CSMD3: variants seen among roughly 807,000 people sequenced by gnomAD.
CSMD3 encodes CUB and Sushi multiple domains 3, also known as CUB and sushi domain-containing protein 3.
A neutral mutation model predicts 435.2 loss-of-function variants in CSMD3; 177 were observed. The observed-to-expected ratio is 0.41, with a 90% confidence interval of 0.36 to 0.46. The LOEUF (loss-of-function observed/expected upper bound fraction) is 0.46. CSMD3 is among the 20% of genes least tolerant of loss of function. The probability of loss-of-function intolerance (pLI) is 0.34; values close to 1 mark genes in which losing one functional copy is unlikely to be tolerated. For synonymous variants in CSMD3, 1,656 were observed against 1,520.5 expected, an observed-to-expected ratio of 1.09 and a Z score of -2.07; for missense variants, 4,265 against 4,504.6, an observed-to-expected ratio of 0.95 and a Z score of 1.52.
At chr8:112,414,464 G>A (rs182418242) in intron 32 of CSMD3, among the ~76,000 whole-genome samples, 10 of 152,074 alleles carry the variant, frequency 6.6e-5, no homozygotes, top group Admixed American at 5.2e-4. Context: ...TAAATTTCCC[G>A]AGGCCTCCTC....
At chr8:113,194,359 G>A (rs1250377152) in intron 3 of CSMD3, among the ~76,000 whole-genome samples, 1 of 151,174 alleles carries the variant, frequency 6.6e-6, no homozygotes, top group Non-Finnish European at 1.5e-5. Flanking sequence ...CACACAGAGT[G>A]TACTCAACAA....
intron 68 of CSMD3, 105 bp downstream of exon 68, chr8:112,234,260 G>A (rs1253738205): frequency 1.8e-5 from 13 of 714,774 alleles, no homozygotes; most frequent in Admixed American, 4.1e-5. Context: ...ATATATGTAT[G>A]TGTATGTATT....
At chr8:113,073,904 G>A (rs1017397306) in intron 5 of CSMD3, among the ~76,000 whole-genome samples, 4 of 151,542 alleles carry the variant, frequency 2.6e-5, no homozygotes, top group East Asian at 1.9e-4. Flanking sequence ...TGTCCTCTTC[G>A]AAGACTGTCT....
At chr8:112,873,568 T>A (rs1050315741) in intron 10 of CSMD3, among the ~76,000 whole-genome samples, 1 of 152,038 alleles carries the variant, frequency 6.6e-6, no homozygotes, top group African/African-American at 2.4e-5. Context: ...ACATTTTGCA[T>A]CTTCTAATGA....
At chr8:112,603,720 T>G (rs964281984) in intron 22 of CSMD3, among the ~76,000 whole-genome samples, 53 of 152,220 alleles carry the variant, frequency 3.5e-4, no homozygotes, top group African/African-American at 1.3e-3. Flanking sequence ...TCTTTTTTTA[T>G]GTTACATGGT....
At position 112,481,066 on chromosome 8, in the gene CSMD3, A is replaced by C. The variant is rs527483546; in HGVS notation, c.5279-8359T>G. 7.2e-5 allele frequency among the ~76,000 whole-genome samples: 11 copies of C among 152,342 alleles called. 1 individual carries two copies. The South Asian group carries it at 2.3e-3, about 32-fold the overall frequency. On this transcript the variant is annotated intron_variant, in intron 31 of 70. Coordinates refer to ENST00000297405, the MANE Select transcript of CSMD3 (RefSeq NM_198123.2). ...TGAATTATGTATGCAATGATACAGTAGACAGATGTGATATTTCTGGAGAAA... is the reference window on the plus strand; with the variant it reads ...TGAATTATGTATGCAATGATACAGTCGACAGATGTGATATTTCTGGAGAAA...
chr8:113,308,258 CTTT>C (rs11440584), intron 2 of CSMD3, among the ~76,000 whole-genome samples: 33 of 64,958 alleles, frequency 5.1e-4, no homozygotes, highest in African/African-American at 1.9e-3. Context: ...TCATTTAAGT[CTTT>C]TTTTTTTTTT....
chr8:112,458,335 G>T (rs1184529062), intron 32 of CSMD3, among the ~76,000 whole-genome samples: 1 of 151,650 alleles, frequency 6.6e-6, no homozygotes, highest in Non-Finnish European at 1.5e-5. Context: ...TCCAAATTTT[G>T]CTGGACTTTA....
At chr8:113,384,866 T>C (rs891069558) in intron 1 of CSMD3, among the ~76,000 whole-genome samples, 2 of 152,130 alleles carry the variant, frequency 1.3e-5, no homozygotes, top group African/African-American at 4.8e-5. Flanking sequence ...ATAAATTGAG[T>C]TTGCAGAGTC....
At chr8:112,506,319 A>G (rs1005251141) in intron 29 of CSMD3, among the ~76,000 whole-genome samples, 2 of 152,168 alleles carry the variant, frequency 1.3e-5, no homozygotes, top group Admixed American at 6.5e-5. Flanking sequence ...AGAAAAAGGA[A>G]TTGTGCTACT....
chr8:113,071,236 T>C (rs2089102301), intron 5 of CSMD3, among the ~76,000 whole-genome samples: 1 of 152,030 alleles, frequency 6.6e-6, no homozygotes, highest in Admixed American at 6.6e-5. Context: ...TAGTAACCCT[T>C]TGCCAGACAT....
At chr8:113,292,650 G>A (rs1214179400) in intron 2 of CSMD3, among the ~76,000 whole-genome samples, 1 of 151,802 alleles carries the variant, frequency 6.6e-6, no homozygotes, top group East Asian at 1.9e-4. Flanking sequence ...AGACAAAAAT[G>A]TAATTTTTGA....
At chr8:113,217,701 C>T (rs2092921055) in intron 3 of CSMD3, among the ~76,000 whole-genome samples, 2 of 151,228 alleles carry the variant, frequency 1.3e-5, no homozygotes, top group Non-Finnish European at 3.0e-5. Flanking sequence ...TTAGCAAAGG[C>T]TTAGTGATAT....
At chr8:112,922,485 C>T (rs2082774734) in intron 9 of CSMD3, among the ~76,000 whole-genome samples, 1 of 151,464 alleles carries the variant, frequency 6.6e-6, no homozygotes, top group South Asian at 2.1e-4. Flanking sequence ...CTTTTTTTAC[C>T]CATTAACCAT....
At chr8:112,339,335 T>C (rs1198729145) in intron 42 of CSMD3, among the ~76,000 whole-genome samples, 1 of 151,964 alleles carries the variant, frequency 6.6e-6, no homozygotes, top group Non-Finnish European at 1.5e-5. Context: ...TTGGCTGCTT[T>C]CAGATCAGAC....
chr8:112,848,716 T>C (rs1025450321), intron 11 of CSMD3, among the ~76,000 whole-genome samples: 5 of 152,064 alleles, frequency 3.3e-5, no homozygotes, highest in Admixed American at 6.6e-5. Flanking sequence ...TACCCCTAAT[T>C]TAAAGATGAG....
At chr8:113,362,984 T>G (rs1254826302) in intron 1 of CSMD3, among the ~76,000 whole-genome samples, 1 of 152,188 alleles carries the variant, frequency 6.6e-6, no homozygotes, top group Non-Finnish European at 1.5e-5. Context: ...TAAAAAATAC[T>G]GCTCAGCCCA....
intron 22 of CSMD3, among the ~76,000 whole-genome samples, chr8:112,593,189 A>G (rs914397452): frequency 7.2e-5 from 11 of 152,194 alleles, no homozygotes; most frequent in Non-Finnish European, 1.3e-4. Context: ...TCTTGTAGGC[A>G]ATGGAGATTC....
chr8:112,791,319 G>GGAA lies in CSMD3; in HGVS notation c.1972+8842_1972+8843insTTC, dbSNP rs56289713. 2.5e-4 allele frequency among the ~76,000 whole-genome samples: 26 copies of GGAA among 103,178 alleles called. 3 individuals are homozygous for GGAA. Among genetic ancestry groups the GGAA allele is most frequent in the South Asian group, 3.3e-4 (1 of 3,030 alleles). 67.7% of individuals were successfully genotyped at this position (103,178 alleles called of 152,430 possible). ...CCTGGGTGACAGAGGCATATCCTGT[G>GGAA]AAAAAAAAAAAAAAAAAAAAAGGAA... On this transcript the variant is annotated intron_variant, in intron 13 of 70. Coordinates refer to ENST00000297405, the MANE Select transcript of CSMD3 (RefSeq NM_198123.2).
Sources: gnomAD v4.1 joint callset for allele counts (sites outside exome capture counted in the v4.1 genomes callset) on GRCh38, gnomAD v4.1.1 for gene constraint, MANE v1.5 for transcripts, NCBI Gene and HGNC (gene_info 2026-07-23, HGNC 2026-07-21) for gene names.